PACRG: variants seen among roughly 807,000 people sequenced by gnomAD.
PACRG encodes the protein parkin coregulated gene protein.
Under a neutral mutation model 29.7 loss-of-function variants are expected in PACRG, and 29 were observed. The ratio of observed to expected loss-of-function variants is 0.98; its 90% CI spans 0.73 to 1.33. PACRG has a LOEUF of 1.33. PACRG is among the 40% of genes most tolerant of loss of function. The pLI is 0.00. For missense variants in PACRG, 279 were observed against 316.2 expected (o/e 0.88, Z 0.89); for synonymous variants, 116 against 118.7 (o/e 0.98, Z 0.15).
At chr6:162,745,184 A>G (rs1464682289) in intron 1 of PACRG, among the ~76,000 whole-genome samples, 4 of 152,326 alleles carry the variant, frequency 2.6e-5, no homozygotes, top group East Asian at 1.9e-4. Flanking sequence ...CATGTGCCAT[A>G]TATACACTAC....
chr6:163,061,576 C>T (rs1423012653), intron 2 of PACRG, among the ~76,000 whole-genome samples: 4 of 152,076 alleles, frequency 2.6e-5, no homozygotes, highest in African/African-American at 9.7e-5. Flanking sequence ...CACTCTTTGT[C>T]CTCTCCATTT....
intron 4 of PACRG, among the ~76,000 whole-genome samples, chr6:163,268,295 G>A (rs13202129): frequency 0.24 from 36,504 of 151,518 alleles, 4,774 homozygotes; most frequent in Middle Eastern, 0.33. Context: ...CCAGCTACTC[G>A]GGAGGCTGAG....
At chr6:162,857,051 T>C (rs1006089662) in intron 2 of PACRG, among the ~76,000 whole-genome samples, 2 of 152,220 alleles carry the variant, frequency 1.3e-5, no homozygotes, top group Non-Finnish European at 2.9e-5. Flanking sequence ...TTTCAATCCC[T>C]GCTGCTTTGA....
intron 4 of PACRG, among the ~76,000 whole-genome samples, chr6:163,312,209 T>C (rs753120677): frequency 2.0e-5 from 3 of 152,094 alleles, no homozygotes; most frequent in Non-Finnish European, 4.4e-5. Flanking sequence ...CAGCTATAAT[T>C]TGGGGAGAAG....
At chr6:162,974,025 A>G (rs761269193) in intron 2 of PACRG, among the ~76,000 whole-genome samples, 12 of 152,166 alleles carry the variant, frequency 7.9e-5, no homozygotes, top group Non-Finnish European at 1.3e-4. Flanking sequence ...TTCATTTGAA[A>G]TGTTAGTGGA....
intron 1 of PACRG, among the ~76,000 whole-genome samples, chr6:162,749,104 T>C (rs1781318516): frequency 6.7e-6 from 1 of 149,338 alleles, no homozygotes; most frequent in African/African-American, 2.6e-5. Flanking sequence ...TGTAATACTT[T>C]ATTCCTTTTT....
intron 4 of PACRG, among the ~76,000 whole-genome samples, chr6:163,233,212 T>C (rs1782113698): frequency 6.6e-6 from 1 of 152,240 alleles, no homozygotes; most frequent in Non-Finnish European, 1.5e-5. Context: ...TACTTTCATG[T>C]TTTCTACATC....
chr6:162,850,743 A>G (rs1417885801), intron 2 of PACRG, among the ~76,000 whole-genome samples: 2 of 152,218 alleles, frequency 1.3e-5, no homozygotes, highest in East Asian at 3.9e-4. Flanking sequence ...TATCCTTGAT[A>G]ATAAACCAGT....
At chr6:163,109,161 T>G (rs1815568364) in intron 4 of PACRG, among the ~76,000 whole-genome samples, 1 of 152,238 alleles carries the variant, frequency 6.6e-6, no homozygotes, top group African/African-American at 2.4e-5. Context: ...AACTTGTGAT[T>G]GAAAGTAAGG....
chr6:163,160,491 G>A (rs1562944106), intron 4 of PACRG, among the ~76,000 whole-genome samples: 1 of 152,126 alleles, frequency 6.6e-6, no homozygotes, highest in African/African-American at 2.4e-5. Flanking sequence ...TGGAGGTTTT[G>A]ACCTCTAGGT....
intron 1 of PACRG, among the ~76,000 whole-genome samples, chr6:162,792,321 C>A (rs1048313637): frequency 6.6e-6 from 1 of 151,938 alleles, no homozygotes. Context: ...GAGTAAGGGG[C>A]AGGGAAGAGA....
At chr6:163,314,693 T>C (rs1359746428) in intron 4 of PACRG, 134 bp from the exon 5 acceptor site, 2 of 975,762 alleles carry the variant, frequency 2.0e-6, no homozygotes, top group Non-Finnish European at 2.8e-6. Context: ...CTTTTAAAAC[T>C]CCGCAAGATC....
chr6:163,079,545 A>G (rs1330530429), intron 3 of PACRG, among the ~76,000 whole-genome samples: 2 of 152,178 alleles, frequency 1.3e-5, no homozygotes, highest in East Asian at 3.8e-4. Context: ...GAGGAAACAT[A>G]TTAGAATACA....
chr6:163,038,965 A>G (rs1010499561), intron 2 of PACRG, among the ~76,000 whole-genome samples: 7 of 152,218 alleles, frequency 4.6e-5, no homozygotes, highest in African/African-American at 1.4e-4. Flanking sequence ...ATGAGTTTGC[A>G]TATAAAATAT....
At chr6:162,727,209 G>T (rs1470458260), upstream of PACRG, 2 of 163,112 alleles carry the variant, frequency 1.2e-5, no homozygotes, top group South Asian at 1.8e-4. Flanking sequence ...GCTTTGCTGC[G>T]GTTTCCTGAA....
At chr6:163,148,548 A>G (rs1470787385) in intron 4 of PACRG, among the ~76,000 whole-genome samples, 2 of 152,128 alleles carry the variant, frequency 1.3e-5, no homozygotes, top group Non-Finnish European at 2.9e-5. Context: ...GAACAGGACA[A>G]TGGCATCTCA....
chr6:163,056,015 T>A (rs548910284), intron 2 of PACRG, among the ~76,000 whole-genome samples: 1 of 152,362 alleles, frequency 6.6e-6, no homozygotes, highest in South Asian at 2.1e-4. Flanking sequence ...TATCAGATGC[T>A]CCACATCCTA....
intron 2 of PACRG, among the ~76,000 whole-genome samples, chr6:163,006,078 G>T: frequency 7.3e-6 from 1 of 137,916 alleles, no homozygotes. Context: ...AACTATATAT[G>T]GGTTTTGTTT....
At chr6:163,098,156 G>A (rs771264551) in intron 4 of PACRG, among the ~76,000 whole-genome samples, 1 of 152,128 alleles carries the variant, frequency 6.6e-6, no homozygotes, top group Non-Finnish European at 1.5e-5. Flanking sequence ...AGGTCCCTTA[G>A]ATAGGAATTT....
Sources: allele counts gnomAD v4.1 joint callset (sites outside exome capture counted in the v4.1 genomes callset), GRCh38; gene constraint gnomAD v4.1.1; transcripts MANE v1.5; gene names NCBI Gene and HGNC (gene_info 2026-07-23, HGNC 2026-07-21).